FARSB: variants seen among roughly 807,000 people sequenced by gnomAD.
FARSB encodes phenylalanyl-tRNA synthetase subunit beta.
FARSB carries 40 observed loss-of-function variants against 69.6 expected under a neutral mutation model. The observed-to-expected ratio is 0.57, with a 90% CI of 0.45 to 0.75. FARSB has a LOEUF of 0.75. Among genes scored for constraint, FARSB ranks in the 30% least tolerant of loss-of-function variants. The pLI is 0.00. For missense variants in FARSB, 632 were observed against 722.9 expected (o/e 0.87, Z 1.44); for synonymous variants, 235 against 247.2 (o/e 0.95, Z 0.46).
At chr2:222,605,584 A>G (rs1690685227) in intron 15 of FARSB, among the ~76,000 whole-genome samples, 1 of 152,210 alleles carries the variant, frequency 6.6e-6, no homozygotes, top group Admixed American at 6.5e-5. Flanking sequence ...AAACAAATTA[A>G]GTAAACTTGT....
chr2:222,640,479 C>A (rs1691691977), intron 4 of FARSB, among the ~76,000 whole-genome samples: 1 of 151,200 alleles, frequency 6.6e-6, no homozygotes, highest in Non-Finnish European at 1.5e-5. Context: ...AAAAAATTAG[C>A]CAGGTGTGGT....
At chr2:222,587,016 ATC>A (rs1192269634) in intron 16 of FARSB, among the ~76,000 whole-genome samples, 1 of 152,232 alleles carries the variant, frequency 6.6e-6, no homozygotes, top group East Asian at 1.9e-4. Context: ...CCTAATAGAC[ATC>A]TGCAGAACTC....
intron 2 of FARSB, among the ~76,000 whole-genome samples, chr2:222,645,479 A>G (rs1691825976): frequency 6.6e-6 from 1 of 152,244 alleles, no homozygotes; most frequent in Non-Finnish European, 1.5e-5. Context: ...AAGATAATGT[A>G]CAATTTTTTA....
At chr2:222,631,011 C>A (rs1287225336) in intron 8 of FARSB, among the ~76,000 whole-genome samples, 1 of 152,090 alleles carries the variant, frequency 6.6e-6, no homozygotes, top group Non-Finnish European at 1.5e-5. Context: ...TAACTGCCAC[C>A]TCATTTAACA....
chr2:222,611,531 T>C (rs1690851741), intron 15 of FARSB, among the ~76,000 whole-genome samples: 1 of 152,112 alleles, frequency 6.6e-6, no homozygotes, highest in Admixed American at 6.5e-5. Context: ...TACTGTAGAC[T>C]CAACCTTCTG....
chr2:222,634,353 T>A (rs901178442), intron 6 of FARSB, 38 bp downstream of exon 6: 3 of 1,438,472 alleles, frequency 2.1e-6, no homozygotes, highest in Non-Finnish European at 2.8e-6. Context: ...ATTTCATGAT[T>A]TTTGCAAAGC....
chr2:222,630,917 A>T (rs1691405642), intron 8 of FARSB, among the ~76,000 whole-genome samples: 1 of 152,216 alleles, frequency 6.6e-6, no homozygotes, highest in Admixed American at 6.5e-5. Flanking sequence ...TAATCCTATA[A>T]GATGTACATG....
intron 16 of FARSB, among the ~76,000 whole-genome samples, chr2:222,594,694 A>G (rs1423331669): frequency 6.6e-6 from 1 of 152,226 alleles, no homozygotes; most frequent in Non-Finnish European, 1.5e-5. Context: ...TACAATATCT[A>G]TCAGAGGGAA....
chr2:222,605,841 G>A (rs1559199679), intron 15 of FARSB, among the ~76,000 whole-genome samples: 1 of 152,184 alleles, frequency 6.6e-6, no homozygotes, highest in Admixed American at 6.5e-5. Context: ...GGAGGCTGAA[G>A]TGGGAGGATC....
intron 3 of FARSB, 34 bp from the exon 4 acceptor site, chr2:222,640,965 T>G: frequency 2.9e-6 from 3 of 1,030,790 alleles, no homozygotes; most frequent in Non-Finnish European, 4.4e-6. Context: ...TACTCATAAT[T>G]AATCAAGACA....
chr2:222,625,849 A>G (rs1475864137), intron 10 of FARSB, among the ~76,000 whole-genome samples: 2 of 152,236 alleles, frequency 1.3e-5, no homozygotes, highest in Non-Finnish European at 2.9e-5. Flanking sequence ...TCAGAATAGT[A>G]AACTGCCAAG....
At chr2:222,643,073 T>G in intron 2 of FARSB, 68 bp from the exon 3 acceptor site, 1 of 972,598 alleles carries the variant, frequency 1.0e-6, no homozygotes, top group East Asian at 2.6e-5. Context: ...GTAAAAGTTG[T>G]CAGCCCTATA....
At chr2:222,624,909 T>C in intron 10 of FARSB, 134 bp from the exon 11 acceptor site, 1 of 581,630 alleles carries the variant, frequency 1.7e-6, no homozygotes, top group South Asian at 2.5e-5. Context: ...GAGAATAAAC[T>C]TGATGTTTCA....
intron 6 of FARSB, among the ~76,000 whole-genome samples, chr2:222,633,892 C>CTAT (rs1422812061): frequency 6.6e-6 from 1 of 152,152 alleles, no homozygotes. Context: ...CATGACAAAA[C>CTAT]TATTTAGATA....
intron 9 of FARSB, among the ~76,000 whole-genome samples, chr2:222,629,411 T>C (rs1480023573): frequency 6.6e-6 from 1 of 152,150 alleles, no homozygotes; most frequent in Non-Finnish European, 1.5e-5. Context: ...TTGGAAAAAA[T>C]ACAGTAATCT....
At chr2:222,641,261 C>T (rs1292004723) in intron 3 of FARSB, among the ~76,000 whole-genome samples, 2 of 152,124 alleles carry the variant, frequency 1.3e-5, no homozygotes, top group African/African-American at 4.8e-5. Context: ...ATTAGATAAC[C>T]TTTAAGTTAT....
intron 1 of FARSB, among the ~76,000 whole-genome samples, chr2:222,651,148 T>C (rs957499039): frequency 6.6e-6 from 1 of 152,110 alleles, no homozygotes; most frequent in Non-Finnish European, 1.5e-5. Flanking sequence ...AGTGAGGTAA[T>C]GTTATCAGAA....
intron 15 of FARSB, among the ~76,000 whole-genome samples, chr2:222,609,441 C>A (rs1690787633): frequency 6.6e-6 from 1 of 152,230 alleles, no homozygotes; most frequent in South Asian, 2.1e-4. Context: ...AATGCTGCGT[C>A]TGCTGACTTC....
In FARSB at chr2:222,588,771, G is replaced by T. The variant is rs1180529890; in HGVS notation, c.1618+11157C>A. 2.6e-5 allele frequency among the ~76,000 whole-genome samples: 4 copies of T among 152,058 alleles called. No homozygotes were observed. In the East Asian group the frequency reaches 7.7e-4, roughly 29 times the overall value. ...AACTCCCATTCACAATTGCTACAAA[G>T]AAAATAAAATACCTAGGAATCCAAC... On this transcript the variant is annotated intron_variant, in intron 16 of 16. Transcript: ENST00000281828.
Sources: gnomAD v4.1 joint callset for allele counts (sites outside exome capture counted in the v4.1 genomes callset) on GRCh38, gnomAD v4.1.1 for gene constraint, MANE v1.5 for transcripts, NCBI Gene and HGNC (gene_info 2026-07-23, HGNC 2026-07-21) for gene names.